Variants in KIRREL3 observed in about 807,000 individuals in gnomAD.
The protein encoded by KIRREL3 is kin of IRRE-like protein 3.
A neutral mutation model predicts 89.7 loss-of-function variants in KIRREL3; 36 were observed. The ratio of observed to expected loss-of-function variants is 0.40; its 90% confidence interval spans 0.31 to 0.53. The LOEUF is 0.53. KIRREL3 is among the 20% of genes least tolerant of loss of function. The pLI is 0.49. For missense variants in KIRREL3, 864 were observed against 1,056.6 expected (o/e 0.82, Z 2.53); for synonymous variants, 445 against 441.4 (o/e 1.01, Z -0.10).
intron 7 of KIRREL3, 75 bp downstream of exon 7, chr11:126,456,273 TA>T: frequency 1.0e-6 from 1 of 956,354 alleles, no homozygotes; most frequent in Non-Finnish European, 1.6e-6. Flanking sequence ...CTGAGGACCC[TA>T]AGTGACATCC....
intron 1 of KIRREL3, among the ~76,000 whole-genome samples, chr11:126,975,561 C>T (rs777981810): frequency 9.2e-5 from 14 of 152,274 alleles, no homozygotes; most frequent in Admixed American, 3.3e-4. Flanking sequence ...GAATTCTGCT[C>T]TCTCCACATA....
chr11:126,436,110 C>T (rs1191742680), intron 12 of KIRREL3, among the ~76,000 whole-genome samples: 1 of 152,200 alleles, frequency 6.6e-6, no homozygotes, highest in Non-Finnish European at 1.5e-5. Context: ...TGACCAGGAG[C>T]TGGGACGTCA....
At chr11:126,433,134 C>T (rs989117287) in intron 13 of KIRREL3, among the ~76,000 whole-genome samples, 4 of 152,230 alleles carry the variant, frequency 2.6e-5, no homozygotes, top group African/African-American at 9.6e-5. Context: ...CCGCCTCAGC[C>T]TCCGAAAGTG....
In KIRREL3 at chr11:126,622,475, G is replaced by T. The variant is rs1943612288; in HGVS notation, c.56-59563C>A. ...GATGAGCCTTCCCTGCAGCAATTGT[G>T]TCCCAAGATCTGACACACTCTTATC... On this transcript the variant is annotated intron_variant, in intron 1 of 16. Transcript: ENST00000525144. The surrounding 1 kb of genome is among the most constrained non-coding windows in gnomAD (Gnocchi z 5.2). Among the ~76,000 whole-genome samples, 1 of 152,100 alleles carries T rather than the reference G, an allele frequency of 6.6e-6. No individual in the cohort carries two copies. The highest frequency in any genetic ancestry group is 1.5e-5 in the Non-Finnish European group (1 of 68,030).
intron 1 of KIRREL3, among the ~76,000 whole-genome samples, chr11:126,930,389 T>C (rs1480641554): frequency 3.3e-5 from 5 of 152,164 alleles, no homozygotes; most frequent in Non-Finnish European, 7.3e-5. Context: ...TGTGCCTATA[T>C]TCAAAGCATT....
intron 1 of KIRREL3, among the ~76,000 whole-genome samples, chr11:126,937,925 A>G (rs1784322): frequency 0.88 from 134,513 of 152,128 alleles, 59,659 homozygotes; most frequent in Middle Eastern, 0.96. Context: ...AAAAAAACCC[A>G]CAGCAGTCAT....
intron 5 of KIRREL3, 59 bp downstream of exon 5, chr11:126,473,250 C>CCA: frequency 1.3e-6 from 1 of 760,604 alleles, no homozygotes; most frequent in Non-Finnish European, 1.8e-6. Flanking sequence ...ACCTAGCCCC[C>CCA]TCCCCACCCA....
At chr11:126,712,284 T>C (rs893424316) in intron 1 of KIRREL3, among the ~76,000 whole-genome samples, 22 of 151,532 alleles carry the variant, frequency 1.5e-4, no homozygotes, top group African/African-American at 5.1e-4. Context: ...TGTGTGTGTG[T>C]GCGCGCGTGC....
chr11:126,593,184 C>T (rs1188078777), intron 1 of KIRREL3, among the ~76,000 whole-genome samples: 2 of 152,148 alleles, frequency 1.3e-5, no homozygotes, highest in Non-Finnish European at 2.9e-5. Flanking sequence ...GGATACAGAC[C>T]GTGGGCCAGG....
chr11:126,542,618 G>A (rs905893303), intron 2 of KIRREL3, among the ~76,000 whole-genome samples: 1 of 152,290 alleles, frequency 6.6e-6, no homozygotes, highest in South Asian at 2.1e-4. Context: ...GCTACAGTCA[G>A]GTGCACCCCA....
intron 1 of KIRREL3, among the ~76,000 whole-genome samples, chr11:126,743,818 A>G (rs1949055249): frequency 6.6e-6 from 1 of 152,248 alleles, no homozygotes; most frequent in Admixed American, 6.5e-5. Flanking sequence ...AGGCTCACCA[A>G]TGGCAAATAC....
intron 4 of KIRREL3, among the ~76,000 whole-genome samples, chr11:126,514,850 AACACAACACAACACAACAAAACAC>A (rs1958353575): frequency 9.2e-6 from 1 of 108,980 alleles, no homozygotes; most frequent in African/African-American, 3.5e-5. Context: ...AACACAACAC[AACACAACACAACACAACAAAACAC>A]AATTGTCATC....
intron 1 of KIRREL3, among the ~76,000 whole-genome samples, chr11:126,738,130 A>G (rs1414798631): frequency 6.6e-6 from 1 of 152,172 alleles, no homozygotes; most frequent in African/African-American, 2.4e-5. Flanking sequence ...GAGTATACCT[A>G]GACCTTCCGA....
intron 1 of KIRREL3, among the ~76,000 whole-genome samples, chr11:126,871,522 G>A (rs1296452352): frequency 6.6e-6 from 1 of 152,214 alleles, no homozygotes; most frequent in Non-Finnish European, 1.5e-5. Context: ...GAGCAGGTAT[G>A]AGGCTTCTGA....
intron 1 of KIRREL3, among the ~76,000 whole-genome samples, chr11:126,700,452 C>T (rs771852524): frequency 6.6e-6 from 1 of 152,222 alleles, no homozygotes; most frequent in Non-Finnish European, 1.5e-5. Context: ...CTGTGTTCCA[C>T]ATACAATTAT....
rs1565424325 is a variant in KIRREL3 at position 126,923,271 on chromosome 11, TTCTCC to T, written c.55+77179_55+77183del. Among the ~76,000 whole-genome samples, 221 of 107,060 alleles carry T rather than the reference TTCTCC, an allele frequency of 2.1e-3. 34 individuals are homozygous for T. Among genetic ancestry groups the T allele is most frequent in the Middle Eastern group, 9.5e-3 (2 of 210 alleles). The allele number at this position is 107,060 out of a possible 152,430, so 70.2% of individuals were successfully genotyped here. ...CTTCTTCTTCTTCTTCTTCTTCTCC[TTCTCC>T]TTCTCCTTCTCCTTCTCCTTCTTCC... is the stretch of plus-strand genomic sequence containing the variant. On this transcript the variant is annotated intron_variant, in intron 1 of 16. Transcript: ENST00000525144.
chr11:126,979,856 T>C (rs1319259407), intron 1 of KIRREL3, among the ~76,000 whole-genome samples: 1 of 152,194 alleles, frequency 6.6e-6, no homozygotes, highest in Non-Finnish European at 1.5e-5. Flanking sequence ...ACTTAGAACA[T>C]AATATGGTAT....
intron 1 of KIRREL3, among the ~76,000 whole-genome samples, chr11:126,661,450 G>A (rs763203776): frequency 6.6e-6 from 1 of 152,192 alleles, no homozygotes; most frequent in African/African-American, 2.4e-5. Flanking sequence ...TGAAGGAGGA[G>A]GCACATTACT....
At position 126,870,146 on chromosome 11, in the gene KIRREL3, G is replaced by A. The variant is rs189185492; in HGVS notation, c.55+130309C>T. Among the ~76,000 whole-genome samples the A allele has an allele frequency of 1.0e-3, 153 of 152,310 alleles. 4 individuals are homozygous for A. The South Asian group carries it at 0.028, about 28-fold the overall frequency. On this transcript the variant is annotated intron_variant, in intron 1 of 16. Transcript: ENST00000525144. The surrounding 1 kb of genome is among the most constrained non-coding windows in gnomAD (Gnocchi z 4.4). ...TTAATGACCAGGAGTGAGTGTGGGC[G>A]AGTGTGGGGCACAGGGTCGTATGTC...
Sources: gnomAD v4.1 joint callset for allele counts (sites outside exome capture counted in the v4.1 genomes callset) on GRCh38, gnomAD v4.1.1 for gene constraint, Gnocchi (gnomAD v3.1) non-coding constraint, MANE v1.5 for transcripts, NCBI Gene and HGNC (gene_info 2026-07-23, HGNC 2026-07-21) for gene names.